PRKN: variants seen among roughly 807,000 people sequenced by gnomAD.
The protein encoded by PRKN is E3 ubiquitin-protein ligase parkin.
A neutral mutation model predicts 59.5 loss-of-function variants in PRKN; 56 were observed. The observed-to-expected ratio is 0.94, with a 90% CI of 0.76 to 1.18. PRKN has a LOEUF of 1.18. Ranked by LOEUF, PRKN falls within the 50% of genes most tolerant of loss-of-function variation. The pLI, the probability that PRKN is intolerant of heterozygous loss-of-function variation, is 0.00. For missense variants in PRKN, 657 were observed against 596.4 expected, an observed-to-expected ratio of 1.10 and a Z score of -1.06; for synonymous variants, 250 against 222.1, an observed-to-expected ratio of 1.13 and a Z score of -1.12.
chr6:162,702,742 T>C (rs556377562), intron 1 of PRKN, among the ~76,000 whole-genome samples: 2 of 152,318 alleles, frequency 1.3e-5, no homozygotes, highest in South Asian at 4.1e-4. Flanking sequence ...TCAGGATTGA[T>C]GAAATGAATA....
At chr6:161,634,272 G>A (rs1396534632) in intron 7 of PRKN, among the ~76,000 whole-genome samples, 3 of 152,134 alleles carry the variant, frequency 2.0e-5, no homozygotes, top group East Asian at 1.9e-4. Context: ...GAGCGTCCCC[G>A]CAGATGGGCT....
chr6:161,535,176 CTATT>C (rs1391767411), intron 9 of PRKN, among the ~76,000 whole-genome samples: 2 of 152,182 alleles, frequency 1.3e-5, no homozygotes, highest in South Asian at 2.1e-4. Flanking sequence ...AATGCAAACT[CTATT>C]TATCTGCACA....
chr6:161,507,684 C>T (rs1338491175), intron 9 of PRKN, among the ~76,000 whole-genome samples: 2 of 152,256 alleles, frequency 1.3e-5, no homozygotes, highest in East Asian at 3.9e-4. Flanking sequence ...ACTCTTCTCT[C>T]TGCTCCTGAT....
intron 2 of PRKN, among the ~76,000 whole-genome samples, chr6:162,300,038 T>A (rs1056886491): frequency 6.6e-6 from 1 of 152,134 alleles, no homozygotes; most frequent in Non-Finnish European, 1.5e-5. Flanking sequence ...ATACAGAAAT[T>A]TTCATACAAA....
At chr6:162,421,340 CA>C in intron 2 of PRKN, among the ~76,000 whole-genome samples, 1 of 152,252 alleles carries the variant, frequency 6.6e-6, no homozygotes, top group African/African-American at 2.4e-5. Context: ...CCTGTCTTCT[CA>C]AGTAAAGAAT....
intron 6 of PRKN, among the ~76,000 whole-genome samples, chr6:161,854,332 A>T (rs12663993): frequency 0.27 from 41,177 of 151,938 alleles, 6,407 homozygotes; most frequent in South Asian, 0.4. Context: ...TATTAAAAAT[A>T]AAAAATAACA....
intron 3 of PRKN, among the ~76,000 whole-genome samples, chr6:162,242,575 A>G (rs1275008820): frequency 6.6e-6 from 1 of 152,178 alleles, no homozygotes; most frequent in Non-Finnish European, 1.5e-5. Context: ...ACAACAATCA[A>G]CTATTAACTC....
intron 2 of PRKN, among the ~76,000 whole-genome samples, chr6:162,355,407 C>CTATA (rs1003552631): frequency 2.0e-5 from 3 of 151,294 alleles, no homozygotes; most frequent in South Asian, 2.1e-4. Context: ...ATCTATCTAT[C>CTATA]TATATATATA....
intron 1 of PRKN, among the ~76,000 whole-genome samples, chr6:162,633,664 C>T (rs1279097414): frequency 6.6e-6 from 1 of 151,972 alleles, no homozygotes; most frequent in Non-Finnish European, 1.5e-5. Context: ...AGGCCCAGTG[C>T]ACCCCATGAC....
At chr6:162,438,053 A>G (rs983409649) in intron 2 of PRKN, among the ~76,000 whole-genome samples, 1 of 152,208 alleles carries the variant, frequency 6.6e-6, no homozygotes, top group African/African-American at 2.4e-5. Context: ...GCAATTTGCG[A>G]GTAATCCAAT....
At chr6:162,562,846 G>A (rs1190970768) in intron 1 of PRKN, among the ~76,000 whole-genome samples, 1 of 152,170 alleles carries the variant, frequency 6.6e-6, no homozygotes, top group African/African-American at 2.4e-5. Flanking sequence ...ATAGGCAGTA[G>A]CCAGGGAGTG....
chr6:162,319,031 T>C (rs186717507), intron 2 of PRKN, among the ~76,000 whole-genome samples: 13 of 152,182 alleles, frequency 8.5e-5, no homozygotes, highest in Non-Finnish European at 1.6e-4. Context: ...TTTAAGTGTG[T>C]TTCATAAGTA....
rs1374662932 is a variant in PRKN at position 161,462,216 on chromosome 6, C to T, written c.1084-75339G>A. On this transcript the variant is annotated intron_variant, in intron 9 of 11. Coordinates refer to ENST00000366898, the MANE Select transcript of PRKN (RefSeq NM_004562.3). The surrounding 1 kb of genome is among the most constrained non-coding windows in gnomAD (Gnocchi z 4.5). ...CTTCCAATATGACCAAAGTCTAGTC[C>T]ATCTAGAGAGATCAGATCAAAAGTG... Among the ~76,000 whole-genome samples the T allele has an allele frequency of 6.6e-6, 1 of 152,192 alleles. No individual in the cohort carries two copies. The highest frequency in any genetic ancestry group is 2.1e-4 in the South Asian group (1 of 4,832).
intron 1 of PRKN, among the ~76,000 whole-genome samples, chr6:162,692,153 A>C (rs2128235266): frequency 1.0e-5 from 1 of 95,522 alleles, no homozygotes. Context: ...CTTAAAGTAT[A>C]ATAAAAAAAA....
chr6:162,333,358 GT>G (rs1448182080), intron 2 of PRKN, among the ~76,000 whole-genome samples: 2 of 151,788 alleles, frequency 1.3e-5, no homozygotes, highest in Non-Finnish European at 2.9e-5. Context: ...CAAATTGAAG[GT>G]TTATGGCGAC....
rs1790150430 is a variant in PRKN at position 161,460,419 on chromosome 6, C to T, written c.1084-73542G>A. 6.6e-6 allele frequency among the ~76,000 whole-genome samples: 1 copy of T among 152,032 alleles called. No homozygotes were observed. Among genetic ancestry groups the T allele is most frequent in the Non-Finnish European group, 1.5e-5 (1 of 68,016 alleles). On this transcript the variant is annotated intron_variant, in intron 9 of 11. Coordinates refer to ENST00000366898, the MANE Select transcript of PRKN (RefSeq NM_004562.3). This position sits in a 1 kb window ranked among gnomAD's most constrained non-coding sequence, Gnocchi z 5.0. ...TTTAGGATCTCTGGAATATAATGGG[C>T]TATACTTGGCATTGGAGTCATTTAG...
intron 5 of PRKN, among the ~76,000 whole-genome samples, chr6:162,034,077 G>A (rs996343641): frequency 7.9e-5 from 12 of 151,770 alleles, no homozygotes; most frequent in African/African-American, 2.9e-4. Context: ...AAATAAAGGG[G>A]AGCAGCAAAT....
intron 7 of PRKN, among the ~76,000 whole-genome samples, chr6:161,681,837 C>T (rs1245566599): frequency 2.0e-5 from 3 of 152,214 alleles, no homozygotes; most frequent in Non-Finnish European, 4.4e-5. Context: ...ACTGTGTTCA[C>T]CTGAAGTTCT....
intron 4 of PRKN, among the ~76,000 whole-genome samples, chr6:162,072,943 C>T (rs1778642333): frequency 6.6e-6 from 1 of 152,178 alleles, no homozygotes; most frequent in Non-Finnish European, 1.5e-5. Context: ...ATGGAAAGAA[C>T]TCAGTAGAGA....
Sources: allele counts gnomAD v4.1 joint callset (sites outside exome capture counted in the v4.1 genomes callset), GRCh38; gene constraint gnomAD v4.1.1; non-coding constraint Gnocchi (gnomAD v3.1); transcripts MANE v1.5; gene names NCBI Gene and HGNC (gene_info 2026-07-23, HGNC 2026-07-21).